Variants in MLLT6 observed in about 807,000 individuals in gnomAD.
MLLT6 encodes the protein protein AF-17.
Under a neutral mutation model 103.0 loss-of-function variants are expected in MLLT6, and 22 were observed. The ratio of observed to expected loss-of-function variants is 0.21; its 90% CI spans 0.15 to 0.31. The LOEUF (loss-of-function observed/expected upper bound fraction) is 0.31. Ranked by LOEUF, MLLT6 falls within the 10% of genes least tolerant of loss-of-function variation. The pLI is 1.00. For synonymous variants in MLLT6, 606 were observed against 623.5 expected, an observed-to-expected ratio of 0.97 and a Z score of 0.42; for missense variants, 1,199 against 1,441.7, an observed-to-expected ratio of 0.83 and a Z score of 2.73.
chr17:38,720,444 T>C lies in MLLT6; in HGVS notation c.2228T>C (p.Leu743Pro). The stretch of plus-strand genomic sequence containing the variant: ...CGGCTGCAAGAGCAGATCCTGAGCC[T>C]GACGGCCAAAAAGGAGCGGCTGCAG... ...NQRLQEQILS[L>P]TAKKERLQIL... is the part of the protein sequence containing the mutation. The change falls in exon 15 of 20, where the codon CTG becomes CCG. Residue 743 changes from leucine (L) to proline (P), a missense_variant. This residue lies in a region of MLLT6 where 1,034 missense variants were observed against 1,091.5 expected (regional missense o/e 0.95). Transcript: ENST00000621332. The C allele has an allele frequency of 1.2e-6, 2 of 1,612,948 alleles. No homozygotes were observed. The highest frequency in any genetic ancestry group is 1.7e-6 in the Non-Finnish European group (2 of 1,179,986).
At position 38,721,890 on chromosome 17, in the gene MLLT6, G is replaced by T; in HGVS notation, c.2455G>T (p.Gly819Cys). 6.3e-7 allele frequency: 1 copy of T among 1,576,942 alleles called. No individual in the cohort carries two copies. The highest frequency in any genetic ancestry group is 8.6e-7 in the Non-Finnish European group (1 of 1,168,414). ...CCTCCCTCCCCAGGACCCACACTCA[G>T]GCTGCCCGAGCCGCAGCAGCTCGTC... ...LSTSSEDPHS[G>C]CPSRSSSSLS... Residue 819 changes from glycine (G) to cysteine (C), a missense_variant, in exon 17 of 20, where the codon GGC becomes TGC. By Grantham distance (159) the Gly-to-Cys change is radical. Around this residue, in one of 7 missense-constraint regions of MLLT6, gnomAD observed 1,034 missense variants for 1,091.5 expected, o/e 0.95. Coordinates refer to ENST00000621332, the MANE Select transcript of MLLT6 (RefSeq NM_005937.4).
In MLLT6 at chr17:38,711,869, G is replaced by C; in HGVS notation, c.575G>C (p.Gly192Ala). 6.3e-7 allele frequency: 1 copy of C among 1,587,478 alleles called. No homozygotes were observed. The highest frequency in any genetic ancestry group is 8.6e-7 in the Non-Finnish European group (1 of 1,166,960). ...CAGAAGACATCCCGGCACAGCAGCG[G>C]GGGAGGCGGAGGAGGCGCTGGAGGA... is the stretch of plus-strand genomic sequence containing the variant. ...SKMKTSRHSS[G>A]GGGGGAGGGG... Residue 192 changes from glycine to alanine, a missense_variant, in exon 7 of 20, where the codon GGG (glycine) becomes GCG (alanine). Transcript: ENST00000621332.
chr17:38,711,340 C>A (rs1228950567), intron 6 of MLLT6, among the ~76,000 whole-genome samples: 2 of 152,086 alleles, frequency 1.3e-5, no homozygotes, highest in African/African-American at 4.8e-5. Context: ...GGGACAGGAG[C>A]AACCACTGTG....
Position 38,709,103 on chromosome 17 carries a change from G to A in MLLT6, c.355-70G>A, listed in dbSNP as rs953955242. The A allele has an allele frequency of 4.6e-6, 5 of 1,098,554 alleles. No individual in the cohort carries two copies. The African/African-American group carries it at 4.7e-5, about 10-fold the overall frequency. The allele number at this position is 1,098,554 out of a possible 1,614,324, so 68.1% of individuals were successfully genotyped here. ...CTGTAGAGAGCAAATGGAATGGAGG[G>A]GGTGGCCTAAGGACCATCAGTAGAA... On this transcript the variant is annotated intron_variant, in intron 4 of 19. Transcript: ENST00000621332. This position sits in a 1 kb window ranked among gnomAD's most constrained non-coding sequence, Gnocchi z 4.3.
Position 38,705,575 on chromosome 17 carries a change from A to AC in MLLT6, c.-53dup. On this transcript the variant is annotated 5_prime_UTR_variant, in exon 1 of 20. Coordinates refer to ENST00000621332, the MANE Select transcript of MLLT6 (RefSeq NM_005937.4). ...CCCCCCGCTCCCTCCCTCCCCCCTG[A>AC]CCCCCGACCCCCGCCGGCCGGCCCC... 8.2e-6 allele frequency: 2 copies of AC among 243,254 alleles called. No homozygotes were observed. Among genetic ancestry groups the AC allele is most frequent in the East Asian group, 1.2e-4 (1 of 8,434 alleles). The allele number at this position is 243,254 out of a possible 1,614,324, so 15.1% of individuals were successfully genotyped here.
At chr17:38,717,676 C>A in intron 11 of MLLT6, 63 bp downstream of exon 11, 3 of 1,554,542 alleles carry the variant, frequency 1.9e-6, no homozygotes, top group Admixed American at 1.8e-5. Flanking sequence ...GACAGAGGAC[C>A]CCAGCCTTCC....
Position 38,717,592 on chromosome 17 carries a change from T to G in MLLT6, c.1812T>G (p.Ser604=), listed in dbSNP as rs373588898. 8.7e-6 allele frequency: 14 copies of G among 1,613,820 alleles called. No homozygotes were observed. Among genetic ancestry groups the G allele is most frequent in the Non-Finnish European group, 1.2e-5 (14 of 1,179,872 alleles). ...TCACCAGCACCCTCCCCTCCTCTTC[T>G]GCTTCTATCTCCACCACTCAGGTGA... ...SPFTSTLPSS[S]ASISTTQVFS... Residue 604 remains serine (S), a synonymous_variant, in exon 11 of 20, where the codon TCT becomes TCG. Transcript: ENST00000621332.
chr17:38,713,022 C>T (rs1314199736), intron 8 of MLLT6: 1 of 777,052 alleles, frequency 1.3e-6, no homozygotes, highest in Non-Finnish European at 2.4e-6. Flanking sequence ...GCCAGATACT[C>T]CCATCTGCCT....
intron 4 of MLLT6, among the ~76,000 whole-genome samples, chr17:38,708,669 G>C (rs1387089131): frequency 6.6e-6 from 1 of 152,216 alleles, no homozygotes; most frequent in Non-Finnish European, 1.5e-5. Flanking sequence ...GCTGAGGGGG[G>C]TGGATCACCT....
At chr17:38,712,090 C>G in intron 7 of MLLT6, 76 bp downstream of exon 7, 1 of 1,447,936 alleles carries the variant, frequency 6.9e-7, no homozygotes, top group African/African-American at 1.4e-5. Context: ...AAAAAGCCAT[C>G]ATGAGGTGCC....
At chr17:38,717,027 C>T in intron 10 of MLLT6, 46 bp downstream of exon 10, 1 of 1,606,694 alleles carries the variant, frequency 6.2e-7, no homozygotes. Context: ...CCCAGCCAGT[C>T]TAGTGAGGAA....
Position 38,725,725 on chromosome 17 carries a change from C to T in MLLT6, c.*127C>T. The stretch of plus-strand genomic sequence containing the variant: ...CTTGACCCAGAGCCTGTGCTGAGGT[C>T]CAGGGAGTGTGGAGAGCTCCTGGTG... On this transcript the variant is annotated 3_prime_UTR_variant, in exon 20 of 20. Transcript: ENST00000621332. 2.5e-6 allele frequency: 2 copies of T among 799,032 alleles called. No homozygotes were observed. Among genetic ancestry groups the T allele is most frequent in the Admixed American group, 3.3e-5 (1 of 30,254 alleles). The allele number at this position is 799,032 out of a possible 1,614,324, so 49.5% of individuals were successfully genotyped here.
chr17:38,713,497 T>C (rs1294132319), intron 8 of MLLT6: 3 of 169,328 alleles, frequency 1.8e-5, no homozygotes, highest in Non-Finnish European at 3.8e-5. Flanking sequence ...GTCACCATTA[T>C]TGCCCATTCA....
At chr17:38,715,461 C>T (rs1905293875) in intron 8 of MLLT6, 151 bp from the exon 9 acceptor site, 4 of 1,361,082 alleles carry the variant, frequency 2.9e-6, no homozygotes, top group Non-Finnish European at 2.9e-6. Context: ...CTAGGAGCTC[C>T]TGGCCACTCC....
intron 1 of MLLT6, chr17:38,705,955 C>A (rs898810557): frequency 4.2e-6 from 1 of 240,682 alleles, no homozygotes; most frequent in African/African-American, 2.3e-5. Flanking sequence ...CCGCGCCCCC[C>A]ACCCTAAGTT....
At chr17:38,722,809 T>G (rs376572211) in intron 18 of MLLT6, 41 bp downstream of exon 18, 9 of 1,432,150 alleles carry the variant, frequency 6.3e-6, no homozygotes, top group African/African-American at 2.8e-5. Context: ...CCCCTTGGTC[T>G]GCCTGGAAGG....
rs546693245 is a variant in MLLT6, at chr17:38,719,388, A to T, written c.1943-129A>T. The T allele has an allele frequency of 4.1e-4, 351 of 849,638 alleles. 1 individual carries two copies. In the African/African-American group the frequency reaches 4.9e-3, roughly 12 times the overall value. 52.6% of individuals were successfully genotyped at this position (849,638 alleles called of 1,614,324 possible). A position where few individuals can be genotyped will look rare whatever the true frequency, so the allele number is the denominator to read the frequency against. ...CCCTCAGCGCTGGCCTTGAACTGCC[A>T]GTGTGGGGTTGGGGATTCCTGGGGA... On this transcript the variant is annotated intron_variant, in intron 12 of 19. Transcript: ENST00000621332.
Position 38,716,406 on chromosome 17 carries a change from C to T in MLLT6, c.1076C>T (p.Pro359Leu). The T allele has an allele frequency of 6.2e-7, 1 of 1,613,708 alleles. No individual in the cohort carries two copies. Among genetic ancestry groups the T allele is most frequent in the Non-Finnish European group, 8.5e-7 (1 of 1,179,854 alleles). The change falls in exon 10 of 20, where the codon CCC becomes CTC. Residue 359 changes from proline to leucine, a missense_variant. Physicochemically the swap from Pro to Leu is moderately conservative, Grantham distance 98 (BLOSUM62 -3). Around this residue, in one of 7 missense-constraint regions of MLLT6, gnomAD observed 1,034 missense variants for 1,091.5 expected, o/e 0.95. Coordinates refer to ENST00000621332, the MANE Select transcript of MLLT6 (RefSeq NM_005937.4). The surrounding 1 kb of genome is among the most constrained non-coding windows in gnomAD (Gnocchi z 5.6). ...AGCTCCCCTGACTTCTCTGCATTCC[C>T]CAAGCTGGAGCAGCCAGAGGAGGAC... ...LQSSPDFSAF[P>L]KLEQPEEDKY...
chr17:38,722,109 G>T lies in MLLT6; in HGVS notation c.2674G>T (p.Gly892Trp), dbSNP rs1321398578. 1 of 1,376,488 alleles carries T rather than the reference G, an allele frequency of 7.3e-7. No homozygotes were observed. The highest frequency in any genetic ancestry group is 3.5e-5 in the Admixed American group (1 of 28,544). The allele number at this position is 1,376,488 out of a possible 1,614,324, so 85.3% of individuals were successfully genotyped here. ...GCTGTTGGGGGGGCTGGCAGGCAGTGGGGGCCTGCCCCTCAATGGGCTCCT... is the reference window on the plus strand; with the variant it reads ...GCTGTTGGGGGGGCTGGCAGGCAGTTGGGGCCTGCCCCTCAATGGGCTCCT... ...EGLLGGLAGSGGLPLNGLLGG... is the reference protein window; with the variant it reads ...EGLLGGLAGSWGLPLNGLLGG... Residue 892 changes from glycine to tryptophan, a missense_variant, in exon 17 of 20, where the codon GGG (glycine) becomes TGG (tryptophan). Physicochemically the swap from Gly to Trp is radical, Grantham distance 184. Around this residue, in one of 7 missense-constraint regions of MLLT6, gnomAD observed 1,034 missense variants for 1,091.5 expected, o/e 0.95. Coordinates refer to ENST00000621332, the MANE Select transcript of MLLT6 (RefSeq NM_005937.4).
Sources: gnomAD v4.1 joint callset for allele counts (sites outside exome capture counted in the v4.1 genomes callset) on GRCh38, gnomAD v4.1.1 for gene constraint, gnomAD v4.1.1 regional missense constraint, Gnocchi (gnomAD v3.1) non-coding constraint, MANE v1.5 for transcripts, NCBI Gene and HGNC (gene_info 2026-07-23, HGNC 2026-07-21) for gene names.